The following ADGRD1 variants were observed in gnomAD, a reference collection of about 807,000 sequenced individuals.
ADGRD1 encodes adhesion G protein-coupled receptor D1, also known as G-protein coupled receptor 133.
ADGRD1 carries 77 observed loss-of-function variants against 113.4 expected under a neutral mutation model. The ratio of observed to expected loss-of-function variants is 0.68; its 90% CI spans 0.57 to 0.82. The LOEUF (loss-of-function observed/expected upper bound fraction) is 0.82. Ranked by LOEUF, ADGRD1 falls within the 40% of genes least tolerant of loss-of-function variation. ADGRD1 has a pLI of 0.00. For synonymous variants in ADGRD1, 474 were observed against 475.0 expected (o/e 1.00, Z 0.03); for missense variants, 1,036 against 1,139.1 (o/e 0.91, Z 1.30).
At chr12:131,039,933 G>A (rs769501262) in intron 13 of ADGRD1, among the ~76,000 whole-genome samples, 8 of 152,234 alleles carry the variant, frequency 5.3e-5, no homozygotes, top group African/African-American at 7.2e-5. Context: ...CCCTGCCGGC[G>A]GTCCCTGAGG....
At chr12:131,083,993 A>G (rs917278826) in intron 14 of ADGRD1, among the ~76,000 whole-genome samples, 2 of 152,048 alleles carry the variant, frequency 1.3e-5, no homozygotes, top group Admixed American at 1.3e-4. Context: ...TAGTCACTGT[A>G]CGTTGTGTTT....
chr12:131,080,813 G>T (rs1199298370), intron 14 of ADGRD1, among the ~76,000 whole-genome samples: 1 of 151,750 alleles, frequency 6.6e-6, no homozygotes, highest in African/African-American at 2.4e-5. Context: ...GTAGAGACGG[G>T]GTTTCACCGT....
At chr12:130,973,622 C>T (rs79055902) in intron 4 of ADGRD1, among the ~76,000 whole-genome samples, 2,832 of 152,286 alleles carry the variant, frequency 0.019, 94 homozygotes, top group African/African-American at 0.065. Flanking sequence ...TTGGTCTAAT[C>T]CCAAACATGT....
intron 12 of ADGRD1, among the ~76,000 whole-genome samples, chr12:131,008,241 T>C (rs1221563229): frequency 3.3e-5 from 5 of 152,246 alleles, no homozygotes; most frequent in Non-Finnish European, 7.3e-5. Flanking sequence ...GAGGTAATTA[T>C]CAAATCCTGG....
intron 4 of ADGRD1, among the ~76,000 whole-genome samples, chr12:130,972,002 G>A (rs933819213): frequency 2.0e-5 from 3 of 152,134 alleles, no homozygotes; most frequent in Non-Finnish European, 2.9e-5. Flanking sequence ...GAACACTTGC[G>A]CCTGGTTTTG....
At chr12:131,088,523 G>A (rs1264996247) in intron 15 of ADGRD1, among the ~76,000 whole-genome samples, 1 of 152,200 alleles carries the variant, frequency 6.6e-6, no homozygotes, top group Admixed American at 6.5e-5. Flanking sequence ...TCAGGGTGGA[G>A]AGGATGGAGC....
chr12:131,021,249 TC>T lies in ADGRD1; in HGVS notation c.1473+6911del, dbSNP rs757698187. ...AGACGTTTTTTGAATGGTGTCAGTTTCCTCACTTGCAGCTTTTTTTCAGTCC... is the reference window on the plus strand; with the variant it reads ...AGACGTTTTTTGAATGGTGTCAGTTTCTCACTTGCAGCTTTTTTTCAGTCC... On this transcript the variant is annotated intron_variant, in intron 13 of 24. Coordinates refer to ENST00000261654, the MANE Select transcript of ADGRD1 (RefSeq NM_198827.5). Among the ~76,000 whole-genome samples the T allele has an allele frequency of 2.6e-5, 4 of 152,246 alleles. No individual in the cohort carries two copies. The South Asian group carries it at 6.2e-4, about 24-fold the overall frequency.
At chr12:131,091,726 G>A (rs1438817241) in intron 15 of ADGRD1, among the ~76,000 whole-genome samples, 1 of 152,250 alleles carries the variant, frequency 6.6e-6, no homozygotes, top group Non-Finnish European at 1.5e-5. Context: ...GGCCACAGAG[G>A]TGAGGCAGTG....
intron 13 of ADGRD1, among the ~76,000 whole-genome samples, chr12:131,061,642 G>A (rs2137088429): frequency 6.6e-6 from 1 of 152,190 alleles, no homozygotes; most frequent in East Asian, 1.9e-4. Flanking sequence ...GAGAAATACA[G>A]CGCAATGTCA....
chr12:131,091,251 A>G (rs912496811), intron 15 of ADGRD1, among the ~76,000 whole-genome samples: 5 of 152,274 alleles, frequency 3.3e-5, no homozygotes, highest in African/African-American at 4.8e-5. Context: ...CAGTACACCC[A>G]TGAGAATCTA....
intron 13 of ADGRD1, among the ~76,000 whole-genome samples, chr12:131,045,027 G>C (rs745893676): frequency 6.6e-6 from 1 of 152,276 alleles, no homozygotes; most frequent in Non-Finnish European, 1.5e-5. Flanking sequence ...TGCGCGTGCC[G>C]GTGGGTTTCT....
Position 130,954,488 on chromosome 12 carries a change from G to A in ADGRD1, c.23G>A (p.Cys8Tyr). The A allele has an allele frequency of 1.3e-6, 2 of 1,572,552 alleles. No homozygotes were observed. Among genetic ancestry groups the A allele is most frequent in the Non-Finnish European group, 1.7e-6 (2 of 1,157,960 alleles). MEKLLRLCCWYSWLLLFY... is the reference protein window; with the variant it reads MEKLLRLYCWYSWLLLFY... ...GCCATGGAAAAGCTGCTGCGGCTGT[G>A]CTGCTGGTACTCCTGGCTGCTGCTA... Residue 8 changes from cysteine (C) to tyrosine (Y), a missense_variant, in exon 1 of 25, where the codon TGC (cysteine) becomes TAC (tyrosine). Transcript: ENST00000261654. This position sits in a 1 kb window ranked among gnomAD's most constrained non-coding sequence, Gnocchi z 4.7.
chr12:131,069,111 C>T (rs1231636464), intron 13 of ADGRD1: 3 of 152,254 alleles, frequency 2.0e-5, no homozygotes, highest in Non-Finnish European at 2.9e-5. Flanking sequence ...CCCCCCGACC[C>T]TGAGGCTCCT....
At chr12:131,068,884 C>T (rs1478821653) in intron 13 of ADGRD1, among the ~76,000 whole-genome samples, 1 of 152,216 alleles carries the variant, frequency 6.6e-6, no homozygotes, top group Admixed American at 6.5e-5. Flanking sequence ...CTTTTATAGA[C>T]GTTTATAGGT....
chr12:131,074,092 A>G (rs184533953), intron 13 of ADGRD1, among the ~76,000 whole-genome samples: 7 of 152,340 alleles, frequency 4.6e-5, no homozygotes, highest in Non-Finnish European at 8.8e-5. Context: ...TTCTCTCTGC[A>G]TGTATCTCCT....
At chr12:130,955,117 A>G (rs1182656492) in intron 2 of ADGRD1, among the ~76,000 whole-genome samples, 1 of 50,096 alleles carries the variant, frequency 2.0e-5, no homozygotes, top group Non-Finnish European at 4.1e-5. Context: ...GCACCACTAC[A>G]CCCAGCTTTT....
chr12:130,996,688 C>T (rs868775895), intron 8 of ADGRD1, among the ~76,000 whole-genome samples: 4,895 of 83,356 alleles, frequency 0.059, 562 homozygotes, highest in Middle Eastern at 0.094. Context: ...CCAGACGGGG[C>T]GGCTGGCCGG....
chr12:130,959,783 T>G (rs1351270904), intron 2 of ADGRD1, among the ~76,000 whole-genome samples: 1 of 152,222 alleles, frequency 6.6e-6, no homozygotes, highest in Admixed American at 6.5e-5. Flanking sequence ...TGTTTCATTT[T>G]GTAAGTAATT....
rs117915725 is a variant in ADGRD1 at position 131,075,464 on chromosome 12, G to A, written c.1474-1337G>A. ...AGAGGAGAAGATGTCTTTTCCAGGC[G>A]GTTTTAAGAGACCCTGTGATGGATT... is the stretch of plus-strand genomic sequence containing the variant. On this transcript the variant is annotated intron_variant, in intron 13 of 24. Transcript: ENST00000261654. This position sits in a 1 kb window ranked among gnomAD's most constrained non-coding sequence, Gnocchi z 5.3. Among the ~76,000 whole-genome samples the A allele has an allele frequency of 7.1e-3, 1,081 of 152,300 alleles. 4 individuals carry two copies. The highest frequency in any genetic ancestry group is 0.012 in the Non-Finnish European group (796 of 68,022).
Sources: allele counts gnomAD v4.1 joint callset (sites outside exome capture counted in the v4.1 genomes callset), GRCh38; gene constraint gnomAD v4.1.1; non-coding constraint Gnocchi (gnomAD v3.1); transcripts MANE v1.5; gene names NCBI Gene and HGNC (gene_info 2026-07-23, HGNC 2026-07-21).